KASH5: variants seen among roughly 807,000 people sequenced by gnomAD.
The protein encoded by KASH5 is protein KASH5.
In KASH5, 72 loss-of-function variants were observed where a neutral mutation model predicts 84.2. That is an observed-to-expected ratio of 0.85 (90% CI 0.71 to 1.04). The LOEUF (loss-of-function observed/expected upper bound fraction) is 1.04, where lower values mean the gene tolerates loss of function less well. Among genes scored for constraint, KASH5 ranks in the 50% least tolerant of loss-of-function variants. KASH5 has a pLI of 0.00. For missense variants in KASH5, 650 were observed against 701.0 expected, an observed-to-expected ratio of 0.93 and a Z score of 0.82; for synonymous variants, 260 against 279.1, an observed-to-expected ratio of 0.93 and a Z score of 0.68.
At chr19:49,403,385 AGG>A (rs10570219) in intron 9 of KASH5, among the ~76,000 whole-genome samples, 11 of 103,384 alleles carry the variant, frequency 1.1e-4, no homozygotes, top group Admixed American at 3.9e-4. Flanking sequence ...ATAAAAAAAA[AGG>A]GGGGGGGCAG....
chr19:49,413,943 G>A (rs1388480090), intron 16 of KASH5, among the ~76,000 whole-genome samples: 3 of 152,092 alleles, frequency 2.0e-5, no homozygotes, highest in Admixed American at 6.5e-5. Flanking sequence ...GTATCTCTGA[G>A]GGTTTTGGGT....
At chr19:49,405,514 AC>A (rs1204634908) in intron 9 of KASH5, among the ~76,000 whole-genome samples, 9 of 151,860 alleles carry the variant, frequency 5.9e-5, no homozygotes, top group African/African-American at 2.2e-4. Context: ...ATGAGATGAT[AC>A]TGAGTTATTG....
At chr19:49,406,768 T>C (rs1477812943) in intron 9 of KASH5, 118 bp from the exon 10 acceptor site, 2 of 871,292 alleles carry the variant, frequency 2.3e-6, no homozygotes, top group Non-Finnish European at 3.7e-6. Flanking sequence ...GGTTAAAACA[T>C]ATGAAGTGCT....
In KASH5 at chr19:49,396,072, G is replaced by A. The variant is rs8102290; in HGVS notation, c.400+239G>A. On this transcript the variant is annotated intron_variant, in intron 5 of 19. Coordinates refer to ENST00000447857, the MANE Select transcript of KASH5 (RefSeq NM_144688.5). Reference sequence around the variant, plus strand: ...CACCAGCCCTATTAGAGAGGCCTACGAGGCCCCGCCTACCTCTGCTCCATC... The same window carrying A: ...CACCAGCCCTATTAGAGAGGCCTACAAGGCCCCGCCTACCTCTGCTCCATC... 3.0e-3 allele frequency among the ~76,000 whole-genome samples: 453 copies of A among 152,070 alleles called. 1 individual carries two copies. Among genetic ancestry groups the A allele is most frequent in the African/African-American group, 9.5e-3 (394 of 41,478 alleles).
At chr19:49,394,359 C>G in intron 2 of KASH5, 117 bp from the exon 3 acceptor site, 1 of 733,406 alleles carries the variant, frequency 1.4e-6, no homozygotes, top group East Asian at 2.6e-5. Flanking sequence ...CCCGAACTCT[C>G]AGTGCTCTGA....
rs538700460 is a variant in KASH5 at position 49,412,166 on chromosome 19, G to A, written c.1270-802G>A. 2.0e-5 allele frequency among the ~76,000 whole-genome samples: 3 copies of A among 152,152 alleles called. No individual in the cohort carries two copies. Among genetic ancestry groups the A allele is most frequent in the Non-Finnish European group, 2.9e-5 (2 of 68,040 alleles). ...TTCATAAAGCCACAAGAAGGGTGGG[G>A]TCAGCTCCGGGCTTAAAAAGATCCC... is the stretch of plus-strand genomic sequence containing the variant. On this transcript the variant is annotated intron_variant, in intron 15 of 19. Coordinates refer to ENST00000447857, the MANE Select transcript of KASH5 (RefSeq NM_144688.5). The surrounding 1 kb of genome is among the most constrained non-coding windows in gnomAD (Gnocchi z 4.6).
intron 9 of KASH5, among the ~76,000 whole-genome samples, chr19:49,405,785 C>T (rs1034767946): frequency 1.2e-4 from 18 of 151,828 alleles, no homozygotes; most frequent in Non-Finnish European, 2.4e-4. Flanking sequence ...AGTGAAACCC[C>T]GTCTCTACTA....
In KASH5 at chr19:49,395,411, G is replaced by A; in HGVS notation, c.335+119G>A. On this transcript the variant is annotated intron_variant, in intron 4 of 19. Transcript: ENST00000447857. The surrounding 1 kb of genome is among the most constrained non-coding windows in gnomAD (Gnocchi z 4.4). ...GACCTACTGTGTTTGGAATGAGGCT[G>A]TGGAGAGAAAAATGAAGAGACGGGA... 2 of 1,108,318 alleles carry A rather than the reference G, an allele frequency of 1.8e-6. No individual in the cohort carries two copies. Among genetic ancestry groups the A allele is most frequent in the Non-Finnish European group, 2.6e-6 (2 of 763,528 alleles). The allele number at this position is 1,108,318 out of a possible 1,614,324, so 68.7% of individuals were successfully genotyped here. A position where few individuals can be genotyped will look rare whatever the true frequency, so the allele number is the denominator to read the frequency against.
chr19:49,395,236 C>G lies in KASH5; in HGVS notation c.279C>G (p.Asp93Glu), dbSNP rs767459909. 4.3e-6 allele frequency: 7 copies of G among 1,613,026 alleles called. No homozygotes were observed. The highest frequency in any genetic ancestry group is 5.9e-6 in the Non-Finnish European group (7 of 1,179,572). The stretch of plus-strand genomic sequence containing the variant: ...GGGAGGGCCCTAAGGCCACTGTGGA[C>G]TTGGACACTTTCCTGGTTGTCATGC... ...PNGEGPKATV[D>E]LDTFLVVMRD... The change falls in exon 4 of 20, where the codon GAC becomes GAG. Residue 93 changes from aspartate (D) to glutamate (E), a missense_variant. Coordinates refer to ENST00000447857, the MANE Select transcript of KASH5 (RefSeq NM_144688.5). The surrounding 1 kb of genome is among the most constrained non-coding windows in gnomAD (Gnocchi z 4.4).
chr19:49,390,730 G>A, intron 1 of KASH5, 59 bp from the exon 2 acceptor site: 2 of 784,236 alleles, frequency 2.6e-6, no homozygotes, highest in Non-Finnish European at 3.8e-6. Flanking sequence ...GGTGGGGCTA[G>A]GCAGGCCCCG....
intron 10 of KASH5, 118 bp from the exon 11 acceptor site, chr19:49,407,122 G>T: frequency 7.4e-7 from 1 of 1,356,990 alleles, no homozygotes; most frequent in Non-Finnish European, 1.0e-6. Flanking sequence ...TGAAGTCCTG[G>T]AACATCTCAG....
At chr19:49,409,701 T>A in intron 14 of KASH5, 52 bp from the exon 15 acceptor site, 1 of 1,611,732 alleles carries the variant, frequency 6.2e-7, no homozygotes, top group South Asian at 1.1e-5. Context: ...TCTGACCTTG[T>A]TTTCTACCTT....
rs887941585 is a variant in KASH5, at chr19:49,416,217, G to C, written c.1375-798G>C. 3.3e-5 allele frequency among the ~76,000 whole-genome samples: 5 copies of C among 152,180 alleles called. No homozygotes were observed. The highest frequency in any genetic ancestry group is 1.2e-4 in the African/African-American group (5 of 41,444). On this transcript the variant is annotated intron_variant, in intron 17 of 19. Coordinates refer to ENST00000447857, the MANE Select transcript of KASH5 (RefSeq NM_144688.5). The surrounding 1 kb of genome is among the most constrained non-coding windows in gnomAD (Gnocchi z 5.4). ...TTGTTTTTGGTTTTTGTTTTGAGAT[G>C]GAGTCTTGCTCTGTCGCCAGGCTGG...
At chr19:49,415,361 C>G in intron 17 of KASH5, 1 of 359,210 alleles carries the variant, frequency 2.8e-6, no homozygotes, top group Non-Finnish European at 5.3e-6. Flanking sequence ...CCCAGCCAGC[C>G]TCAGAACTCC....
intron 9 of KASH5, among the ~76,000 whole-genome samples, chr19:49,400,248 T>A (rs1326542631): frequency 7.5e-6 from 1 of 133,364 alleles, no homozygotes; most frequent in African/African-American, 2.8e-5. Context: ...AAAAAAAAAA[T>A]TGGATTTGAA....
intron 9 of KASH5, among the ~76,000 whole-genome samples, chr19:49,401,627 C>G (rs1423165802): frequency 6.6e-6 from 1 of 152,198 alleles, no homozygotes; most frequent in Non-Finnish European, 1.5e-5. Context: ...ATACCCTCCA[C>G]CCCTCATAGC....
chr19:49,397,880 T>C, intron 6 of KASH5, 102 bp from the exon 7 acceptor site: 1 of 1,469,528 alleles, frequency 6.8e-7, no homozygotes, highest in Admixed American at 2.1e-5. Context: ...TGTTTATCTT[T>C]CCCCAAAAGA....
At position 49,395,175 on chromosome 19, in the gene KASH5, G is replaced by A. The variant is rs777228692; in HGVS notation, c.218G>A (p.Arg73His). 41 of 1,612,962 alleles carry A rather than the reference G, an allele frequency of 2.5e-5. No homozygotes were observed. The highest frequency in any genetic ancestry group is 1.7e-4 in the Middle Eastern group (1 of 6,040). The change falls in exon 4 of 20, where the codon CGC becomes CAC. Residue 73 changes from arginine (R) to histidine (H), a missense_variant. Physicochemically the swap from Arg to His is conservative, Grantham distance 29 (BLOSUM62 0). Transcript: ENST00000447857. This position sits in a 1 kb window ranked among gnomAD's most constrained non-coding sequence, Gnocchi z 4.4. ...ACAGGCCAGGGCCCCCAGGATGCAC[G>A]CCTCCAAACATTGGCCAACAGCCTG... ...AVTGQGPQDA[R>H]LQTLANSLDP...
At chr19:49,400,190 GGCATTCC>G (rs1974315917) in intron 9 of KASH5, among the ~76,000 whole-genome samples, 1 of 147,204 alleles carries the variant, frequency 6.8e-6, no homozygotes, top group South Asian at 2.1e-4. Context: ...ATTGCATCAT[GGCATTCC>G]AGCCTGGATG....
Sources: allele counts gnomAD v4.1 joint callset (sites outside exome capture counted in the v4.1 genomes callset), GRCh38; gene constraint gnomAD v4.1.1; non-coding constraint Gnocchi (gnomAD v3.1); transcripts MANE v1.5; gene names NCBI Gene and HGNC (gene_info 2026-07-23, HGNC 2026-07-21).